The following SLC71A2 variants were observed in gnomAD, a reference collection of about 807,000 sequenced individuals.
SLC71A2 encodes solute carrier family 71 member 2, also known as hippocampus abundant transcript-like 1.
the SLC71A2 span, among the ~76,000 whole-genome samples, chr9:94,443,391 T>G: frequency 2.0e-5 from 3 of 152,146 alleles, no homozygotes; most frequent in Non-Finnish European, 4.4e-5. Context: ...AACGTGTCAG[T>G]CAAGTTCTAA....
chr9:94,432,238 C>G, the SLC71A2 span, among the ~76,000 whole-genome samples: 272 of 152,214 alleles, frequency 1.8e-3, 2 homozygotes, highest in African/African-American at 6.5e-3. Flanking sequence ...CAGTGGCTCA[C>G]GCCTGTAATC....
At chr9:94,434,171 CTT>C in the SLC71A2 span, among the ~76,000 whole-genome samples, 1 of 152,112 alleles carries the variant, frequency 6.6e-6, no homozygotes, top group African/African-American at 2.4e-5. Context: ...CTACATTAAA[CTT>C]AAATAGTTTT....
At chr9:94,459,529 G>A in the SLC71A2 span, 1 of 1,001,386 alleles carries the variant, frequency 1.0e-6, no homozygotes, top group East Asian at 2.5e-5. Context: ...TCAGGGCCAA[G>A]TTTGATAAAT....
chr9:94,452,657 TCATATATA>T, the SLC71A2 span, among the ~76,000 whole-genome samples: 10 of 53,038 alleles, frequency 1.9e-4, no homozygotes, highest in African/African-American at 6.3e-4. Context: ...TCATATATAT[TCATATATA>T]TTCATATATA....
the SLC71A2 span, among the ~76,000 whole-genome samples, chr9:94,433,609 C>T: frequency 6.6e-6 from 1 of 151,086 alleles, no homozygotes; most frequent in Non-Finnish European, 1.5e-5. Context: ...TGAAACACAA[C>T]CTAGACACGA....
the SLC71A2 span, among the ~76,000 whole-genome samples, chr9:94,450,493 C>CTTTTTTTTTTTATTT: frequency 9.8e-6 from 1 of 102,026 alleles, no homozygotes; most frequent in Non-Finnish European, 1.8e-5. Context: ...AATAATGTAA[C>CTTTTTTTTTTTATTT]TTTTTTTTTT....
At chr9:94,405,815 C>G in the SLC71A2 span, among the ~76,000 whole-genome samples, 2 of 151,434 alleles carry the variant, frequency 1.3e-5, no homozygotes, top group African/African-American at 2.4e-5. Context: ...ATGGAGTTTT[C>G]TCTTCTTGCA....
At chr9:94,445,045 G>GA in the SLC71A2 span, 1 of 1,614,038 alleles carries the variant, frequency 6.2e-7, no homozygotes, top group Non-Finnish European at 8.5e-7. Flanking sequence ...AGACAGCCTC[G>GA]TTGTGCTGGT....
chr9:94,439,012 A>G, the SLC71A2 span, among the ~76,000 whole-genome samples: 1 of 128,974 alleles, frequency 7.8e-6, no homozygotes, highest in Non-Finnish European at 1.6e-5. Flanking sequence ...AATAATGTGA[A>G]TTTGAGTTCG....
At chr9:94,417,767 G>A in the SLC71A2 span, among the ~76,000 whole-genome samples, 10 of 150,738 alleles carry the variant, frequency 6.6e-5, no homozygotes, top group African/African-American at 7.3e-5. Flanking sequence ...TTTTCATCAC[G>A]TTTGGGAAGT....
the SLC71A2 span, among the ~76,000 whole-genome samples, chr9:94,410,786 G>A: frequency 6.6e-6 from 1 of 152,156 alleles, no homozygotes; most frequent in African/African-American, 2.4e-5. Context: ...TATTATTTGA[G>A]ATGGAGTCTC....
the SLC71A2 span, chr9:94,374,592 G>C: frequency 1.3e-5 from 2 of 153,018 alleles, no homozygotes; most frequent in East Asian, 3.9e-4. Flanking sequence ...GTCGGGGTCG[G>C]TGCGGTTTGA....
the SLC71A2 span, among the ~76,000 whole-genome samples, chr9:94,450,008 A>G: frequency 6.6e-6 from 1 of 152,230 alleles, no homozygotes; most frequent in African/African-American, 2.4e-5. Flanking sequence ...TGCCCAGAAT[A>G]GGCAAATCCA....
At chr9:94,459,394 T>C in the SLC71A2 span, 1 of 1,613,870 alleles carries the variant, frequency 6.2e-7, no homozygotes, top group Non-Finnish European at 8.5e-7. Context: ...AGCCTGGGAA[T>C]CAGTGCACTG....
At chr9:94,399,478 T>A in the SLC71A2 span, among the ~76,000 whole-genome samples, 10 of 152,310 alleles carry the variant, frequency 6.6e-5, no homozygotes, top group African/African-American at 1.4e-4. Flanking sequence ...CATCTGTATC[T>A]ATATGAAGTT....
At chr9:94,405,733 A>G in the SLC71A2 span, among the ~76,000 whole-genome samples, 1 of 152,052 alleles carries the variant, frequency 6.6e-6, no homozygotes, top group Non-Finnish European at 1.5e-5. Flanking sequence ...AGAAAGTGTG[A>G]GATAATTTTT....
the SLC71A2 span, among the ~76,000 whole-genome samples, chr9:94,455,155 C>CCTTTTTTTTTT: frequency 3.2e-5 from 2 of 61,896 alleles, no homozygotes; most frequent in African/African-American, 1.0e-4. Flanking sequence ...CTTGCTCTTT[C>CCTTTTTTTTTT]CTTTTTTTTT....
the SLC71A2 span, chr9:94,456,386 C>T: frequency 6.8e-7 from 1 of 1,467,398 alleles, no homozygotes; most frequent in Non-Finnish European, 9.6e-7. Context: ...GGGAGACCTC[C>T]CTGCTAGAAG....
At chr9:94,413,341 G>T in the SLC71A2 span, among the ~76,000 whole-genome samples, 1 of 152,174 alleles carries the variant, frequency 6.6e-6, no homozygotes, top group Non-Finnish European at 1.5e-5. Flanking sequence ...GGTTATAGAA[G>T]ATTTTAACAT....
Sources: allele counts gnomAD v4.1 joint callset (sites outside exome capture counted in the v4.1 genomes callset), GRCh38; gene constraint gnomAD v4.1.1; transcripts MANE v1.5; gene names NCBI Gene and HGNC (gene_info 2026-07-23, HGNC 2026-07-21).